Variants in LETM1 observed in about 807,000 individuals in gnomAD.
LETM1 encodes mitochondrial proton/calcium exchanger protein.
A neutral mutation model predicts 74.5 loss-of-function variants in LETM1; 50 were observed. The ratio of observed to expected loss-of-function variants is 0.67; its 90% CI spans 0.53 to 0.85. The LOEUF (loss-of-function observed/expected upper bound fraction) is 0.85. LETM1 is among the 40% of genes least tolerant of loss of function. The pLI is 0.00. For synonymous variants in LETM1, 446 were observed against 407.1 expected (o/e 1.10, Z -1.15); for missense variants, 824 against 967.8 (o/e 0.85, Z 1.97).
chr4:1,814,542 T>C lies in LETM1; in HGVS notation c.2102A>G (p.His701Arg). 2 of 1,613,860 alleles carry C rather than the reference T, an allele frequency of 1.2e-6. No homozygotes were observed. Among genetic ancestry groups the C allele is most frequent in the Non-Finnish European group, 1.7e-6 (2 of 1,179,856 alleles). The change falls in exon 14 of 14, where the codon CAC becomes CGC. Residue 701 changes from histidine (H) to arginine (R), a missense_variant. Transcript: ENST00000302787. Reference protein sequence around the residue: ...VIELVDKEDVHISTSQVAEIV... With the variant: ...VIELVDKEDVRISTSQVAEIV... ...CTCAGCCACCTGGCTGGTGGAGATG[T>C]GAACATCTTCTTTGTCCACCAGCTC...
At position 1,834,879 on chromosome 4, in the gene LETM1, C is replaced by A. The variant is rs755696489; in HGVS notation, c.842G>T (p.Ser281Ile). Residue 281 changes from serine to isoleucine, a missense_variant, in exon 5 of 14, where the codon AGC (serine) becomes ATC (isoleucine). Physicochemically the swap from Ser to Ile is moderately radical, Grantham distance 142. This residue lies in a region of LETM1 where 269 missense variants were observed against 348.8 expected (regional missense o/e 0.77). Coordinates refer to ENST00000302787, the MANE Select transcript of LETM1 (RefSeq NM_012318.3). The surrounding 1 kb of genome is among the most constrained non-coding windows in gnomAD (Gnocchi z 5.0). The stretch of plus-strand genomic sequence containing the variant: ...AAACACAGAGAAGTCTTTGGTGGCG[C>A]TGCCCTTGGCTGCCTTGTTCTTCAA... ...MALKNKAAKG[S>I]ATKDFSVFFQ... 1 of 1,614,202 alleles carries A rather than the reference C, an allele frequency of 6.2e-7. No individual in the cohort carries two copies. Among genetic ancestry groups the A allele is most frequent in the Non-Finnish European group, 8.5e-7 (1 of 1,180,018 alleles).
At chr4:1,822,071 G>A in intron 10 of LETM1, 110 bp downstream of exon 10, 1 of 1,118,934 alleles carries the variant, frequency 8.9e-7, no homozygotes, top group Non-Finnish European at 1.2e-6. Context: ...TCCTCTCACT[G>A]AGGGCTATAG....
At chr4:1,853,959 G>A (rs528366117) in intron 1 of LETM1, among the ~76,000 whole-genome samples, 9 of 152,104 alleles carry the variant, frequency 5.9e-5, no homozygotes, top group Admixed American at 4.6e-4. Flanking sequence ...TGACAGAATC[G>A]CACATAAAAA....
At position 1,815,632 on chromosome 4, in the gene LETM1, G is replaced by C. The variant is rs375454806; in HGVS notation, c.2070+32C>G. ...CCCACCCCACTCCAGAGCAGGTGGCGGATGGCCTGCGTGGTCCCCAGCGAG... is the reference window on the plus strand; with the variant it reads ...CCCACCCCACTCCAGAGCAGGTGGCCGATGGCCTGCGTGGTCCCCAGCGAG... On this transcript the variant is annotated intron_variant, in intron 13 of 13. Coordinates refer to ENST00000302787, the MANE Select transcript of LETM1 (RefSeq NM_012318.3). 4 of 1,611,608 alleles carry C rather than the reference G, an allele frequency of 2.5e-6. No homozygotes were observed. The South Asian group carries it at 4.4e-5, about 18-fold the overall frequency.
chr4:1,824,169 A>G (rs553990964), intron 7 of LETM1, among the ~76,000 whole-genome samples: 1 of 152,306 alleles, frequency 6.6e-6, no homozygotes, highest in East Asian at 1.9e-4. Context: ...AAAAATACAA[A>G]AATTAGCCAG....
At position 1,834,401 on chromosome 4, in the gene LETM1, C is replaced by T. The variant is rs940156601; in HGVS notation, c.876+444G>A. ...CATGACCGCAGGAAACCTCAAGGGCCGCTCCTCCTCTCCAGCCCCCACTGC... is the reference window on the plus strand; with the variant it reads ...CATGACCGCAGGAAACCTCAAGGGCTGCTCCTCCTCTCCAGCCCCCACTGC... On this transcript the variant is annotated intron_variant, in intron 5 of 13. Transcript: ENST00000302787. The surrounding 1 kb of genome is among the most constrained non-coding windows in gnomAD (Gnocchi z 5.0). The T allele has an allele frequency of 1.3e-5, 13 of 993,464 alleles. No homozygotes were observed. Among genetic ancestry groups the T allele is most frequent in the South Asian group, 4.6e-5 (1 of 21,976 alleles). 61.5% of individuals were successfully genotyped at this position (993,464 alleles called of 1,614,324 possible). A position where few individuals can be genotyped will look rare whatever the true frequency, so the allele number is the denominator to read the frequency against.
At chr4:1,822,800 C>A (rs1484933983) in intron 9 of LETM1, 188 bp downstream of exon 9, 9 of 460,034 alleles carry the variant, frequency 2.0e-5, no homozygotes, top group Non-Finnish European at 3.2e-5. Flanking sequence ...ATCGGGGAGT[C>A]CCCATGTCAG....
At chr4:1,830,115 G>C (rs914383907) in intron 6 of LETM1, among the ~76,000 whole-genome samples, 1 of 152,184 alleles carries the variant, frequency 6.6e-6, no homozygotes, top group Non-Finnish European at 1.5e-5. Flanking sequence ...CGGAACATCA[G>C]ATAACACAGA....
chr4:1,854,224 G>A (rs982542510), intron 1 of LETM1, among the ~76,000 whole-genome samples: 38 of 152,314 alleles, frequency 2.5e-4, no homozygotes, highest in Non-Finnish European at 1.5e-4. Context: ...GCTCACGCCT[G>A]TAATCCCAGC....
intron 3 of LETM1, among the ~76,000 whole-genome samples, chr4:1,838,728 A>G (rs970943631): frequency 1.3e-5 from 2 of 152,052 alleles, no homozygotes; most frequent in Non-Finnish European, 2.9e-5. Context: ...CGTAATATAA[A>G]CCCCAAGAGC....
intron 1 of LETM1, among the ~76,000 whole-genome samples, chr4:1,853,431 G>A (rs1380128265): frequency 6.6e-6 from 1 of 152,200 alleles, no homozygotes; most frequent in Admixed American, 6.5e-5. Flanking sequence ...ATGGAGCCTC[G>A]GCGGGATATG....
At chr4:1,847,297 C>T (rs1712915995) in intron 2 of LETM1, among the ~76,000 whole-genome samples, 1 of 151,240 alleles carries the variant, frequency 6.6e-6, no homozygotes, top group African/African-American at 2.4e-5. Flanking sequence ...GCCATGATTG[C>T]ACCACTGCAC....
chr4:1,825,481 G>A, intron 7 of LETM1, 83 bp downstream of exon 7: 5 of 1,521,660 alleles, frequency 3.3e-6, no homozygotes, highest in Non-Finnish European at 4.5e-6. Context: ...CCCAGAGTTT[G>A]GGAAGAGCCT....
intron 3 of LETM1, chr4:1,839,357 C>T (rs1356881780): frequency 1.3e-5 from 2 of 152,268 alleles, no homozygotes; most frequent in Non-Finnish European, 2.9e-5. Context: ...CAGAAAGGGC[C>T]TGCACCTGCA....
Position 1,849,074 on chromosome 4 carries a change from G to C in LETM1, c.143+75C>G, listed in dbSNP as rs1712980862. ...ACACTGTTTCCCTCAAAAATCAAGAGTCACTCGTGACTCTCCACCATTTTC... is the reference window on the plus strand; with the variant it reads ...ACACTGTTTCCCTCAAAAATCAAGACTCACTCGTGACTCTCCACCATTTTC... On this transcript the variant is annotated intron_variant, in intron 2 of 13. Coordinates refer to ENST00000302787, the MANE Select transcript of LETM1 (RefSeq NM_012318.3). 4.1e-6 allele frequency: 4 copies of C among 968,168 alleles called. No individual in the cohort carries two copies. In the Admixed American group the frequency reaches 6.9e-5, roughly 17 times the overall value. 60.0% of individuals were successfully genotyped at this position (968,168 alleles called of 1,614,324 possible).
At chr4:1,816,208 C>T (rs1426821203) in intron 12 of LETM1, among the ~76,000 whole-genome samples, 2 of 148,166 alleles carry the variant, frequency 1.3e-5, no homozygotes, top group African/African-American at 5.0e-5. Flanking sequence ...CACGTGCAGC[C>T]CACCTACAAC....
intron 7 of LETM1, 47 bp from the exon 8 acceptor site, chr4:1,823,822 C>G (rs1257496989): frequency 6.4e-7 from 1 of 1,569,886 alleles, no homozygotes. Flanking sequence ...CCCAACCCTG[C>G]TGGCCCCACA....
At chr4:1,827,274 C>CTTTTT (rs759264558) in intron 6 of LETM1, among the ~76,000 whole-genome samples, 2 of 103,690 alleles carry the variant, frequency 1.9e-5, no homozygotes, top group Middle Eastern at 5.2e-3. Flanking sequence ...ATTGACAGTT[C>CTTTTT]TTTTTTTTTT....
At chr4:1,815,246 A>G (rs1711525726) in intron 13 of LETM1, among the ~76,000 whole-genome samples, 1 of 152,170 alleles carries the variant, frequency 6.6e-6, no homozygotes, top group African/African-American at 2.4e-5. Flanking sequence ...GCGGTGCCCA[A>G]GCTGCCCCGC....
Sources: gnomAD v4.1 joint callset for allele counts (sites outside exome capture counted in the v4.1 genomes callset) on GRCh38, gnomAD v4.1.1 for gene constraint, gnomAD v4.1.1 regional missense constraint, Gnocchi (gnomAD v3.1) non-coding constraint, MANE v1.5 for transcripts, NCBI Gene and HGNC (gene_info 2026-07-23, HGNC 2026-07-21) for gene names.